The following NBEA variants were observed in gnomAD, a reference collection of about 807,000 sequenced individuals.
NBEA encodes the protein neurobeachin, also known as lysosomal-trafficking regulator 2.
A neutral mutation model predicts 343.4 loss-of-function variants in NBEA; 44 were observed. The observed-to-expected ratio is 0.13, with a 90% confidence interval of 0.10 to 0.16. The LOEUF (loss-of-function observed/expected upper bound fraction) is 0.16, where lower values mean the gene tolerates loss of function less well. Ranked by LOEUF, NBEA falls within the 10% of genes least tolerant of loss-of-function variation. NBEA has a pLI of 1.00. For synonymous variants in NBEA, 1,175 were observed against 1,238.7 expected, an observed-to-expected ratio of 0.95 and a Z score of 1.08; for missense variants, 2,555 against 3,631.3, an observed-to-expected ratio of 0.70 and a Z score of 7.62.
chr13:35,334,027 G>A (rs373954839), intron 36 of NBEA, among the ~76,000 whole-genome samples: 2 of 151,626 alleles, frequency 1.3e-5, no homozygotes, highest in South Asian at 2.1e-4. Flanking sequence ...TAACTCTTCC[G>A]TAGATCGATT....
chr13:35,655,913 A>G (rs2084791982), intron 55 of NBEA, among the ~76,000 whole-genome samples, 164 bp downstream of exon 55: 1 of 152,204 alleles, frequency 6.6e-6, no homozygotes, highest in South Asian at 2.1e-4. Context: ...TCAAAGTGTT[A>G]AAATGATCAG....
rs1415323537 is a variant in NBEA, at chr13:35,667,086, C to T, written c.8465-288C>T. On this transcript the variant is annotated intron_variant, in intron 56 of 58. Coordinates refer to ENST00000379939, the MANE Select transcript of NBEA (RefSeq NM_001385012.1). Reference sequence around the variant, plus strand: ...TGGCACATAAAGTCTTTTATTGTCACGTAATCTGTGAGCTGTACCATTTTA... The same window carrying T: ...TGGCACATAAAGTCTTTTATTGTCATGTAATCTGTGAGCTGTACCATTTTA... Among the ~76,000 whole-genome samples, 4 of 152,154 alleles carry T rather than the reference C, an allele frequency of 2.6e-5. 1 individual carries two copies. The highest frequency in any genetic ancestry group is 1.9e-4 in the East Asian group (1 of 5,200).
At chr13:35,393,955 A>C (rs577333152) in intron 38 of NBEA, among the ~76,000 whole-genome samples, 56 of 152,242 alleles carry the variant, frequency 3.7e-4, no homozygotes, top group African/African-American at 1.3e-3. Flanking sequence ...TTTTGCTGCC[A>C]GGAGCTGTAT....
chr13:35,317,674 G>T (rs577847822), intron 36 of NBEA, among the ~76,000 whole-genome samples: 1 of 152,242 alleles, frequency 6.6e-6, no homozygotes, highest in East Asian at 1.9e-4. Context: ...GGATAGCACT[G>T]AATCTATAAA....
At chr13:35,436,449 G>A (rs1321251629) in intron 39 of NBEA, among the ~76,000 whole-genome samples, 2 of 152,154 alleles carry the variant, frequency 1.3e-5, no homozygotes, top group African/African-American at 2.4e-5. Context: ...AGTGGCTCAC[G>A]CCTGTAATCC....
chr13:35,023,279 T>G (rs1410819224), intron 1 of NBEA, among the ~76,000 whole-genome samples: 1 of 152,114 alleles, frequency 6.6e-6, no homozygotes. Context: ...AAAATGTATT[T>G]CTTTATAAAG....
At chr13:35,173,652 G>A (rs1228898195) in intron 27 of NBEA, 58 bp downstream of exon 27, 6 of 1,533,934 alleles carry the variant, frequency 3.9e-6, no homozygotes, top group Admixed American at 1.8e-5. Flanking sequence ...TCTTTTTTAA[G>A]TTGATGAGAA....
At chr13:35,606,622 A>C (rs768069522) in intron 48 of NBEA, 44 bp downstream of exon 48, 88 of 1,515,858 alleles carry the variant, frequency 5.8e-5, no homozygotes, top group Non-Finnish European at 7.4e-5. Context: ...TCAGGGAGTT[A>C]ACATATTCTG....
At chr13:35,308,287 A>G (rs2037033747) in intron 35 of NBEA, among the ~76,000 whole-genome samples, 2 of 151,182 alleles carry the variant, frequency 1.3e-5, no homozygotes, top group Admixed American at 1.3e-4. Flanking sequence ...ACACCTTATT[A>G]GAAAAATCAT....
intron 11 of NBEA, among the ~76,000 whole-genome samples, chr13:35,100,945 G>T (rs1215518561): frequency 6.6e-6 from 1 of 151,830 alleles, no homozygotes; most frequent in Non-Finnish European, 1.5e-5. Context: ...ACATAAGTGA[G>T]ATCATACAAT....
chr13:35,014,722 C>A (rs1398105600), intron 1 of NBEA, among the ~76,000 whole-genome samples: 4 of 152,022 alleles, frequency 2.6e-5, no homozygotes, highest in African/African-American at 9.7e-5. Context: ...ACAGAAGCTT[C>A]TTGGTGGGAG....
intron 34 of NBEA, among the ~76,000 whole-genome samples, chr13:35,285,588 C>T (rs989421265): frequency 2.0e-5 from 3 of 152,102 alleles, no homozygotes; most frequent in African/African-American, 7.2e-5. Context: ...TTTACCCTGT[C>T]CCAAATAGTT....
intron 33 of NBEA, among the ~76,000 whole-genome samples, chr13:35,220,445 C>T (rs1275711125): frequency 6.6e-6 from 1 of 152,154 alleles, no homozygotes; most frequent in Non-Finnish European, 1.5e-5. Flanking sequence ...TCTTGGAAAT[C>T]CACCTCGATG....
At chr13:35,023,783 A>G (rs2061926221) in intron 1 of NBEA, among the ~76,000 whole-genome samples, 1 of 152,178 alleles carries the variant, frequency 6.6e-6, no homozygotes, top group Non-Finnish European at 1.5e-5. Flanking sequence ...GAATGCTATT[A>G]AGAAATTTGG....
At chr13:35,377,637 C>A (rs2041814151) in intron 38 of NBEA, among the ~76,000 whole-genome samples, 1 of 152,134 alleles carries the variant, frequency 6.6e-6, no homozygotes, top group Non-Finnish European at 1.5e-5. Context: ...GTGATTGGTA[C>A]CTATCTATCC....
chr13:35,231,964 A>G (rs2074998952), intron 33 of NBEA, among the ~76,000 whole-genome samples: 1 of 152,178 alleles, frequency 6.6e-6, no homozygotes, highest in African/African-American at 2.4e-5. Flanking sequence ...TGAACTATAT[A>G]ATAATACAGC....
chr13:35,454,401 G>A (rs2046454882), intron 40 of NBEA, among the ~76,000 whole-genome samples: 1 of 152,120 alleles, frequency 6.6e-6, no homozygotes, highest in Admixed American at 6.5e-5. Context: ...ATACGTAACT[G>A]TTTTTGCCCT....
chr13:34,946,322 C>T (rs2059182236), intron 1 of NBEA, among the ~76,000 whole-genome samples: 1 of 152,072 alleles, frequency 6.6e-6, no homozygotes, highest in Admixed American at 6.6e-5. Flanking sequence ...TCTATTACTT[C>T]TTTTGTAAAC....
chr13:34,947,378 T>C (rs2152480643), intron 1 of NBEA, among the ~76,000 whole-genome samples: 1 of 152,310 alleles, frequency 6.6e-6, no homozygotes, highest in Non-Finnish European at 1.5e-5. Context: ...TCAAGGTTCT[T>C]TATTCTTTTG....
Sources: allele counts gnomAD v4.1 joint callset (sites outside exome capture counted in the v4.1 genomes callset), GRCh38; gene constraint gnomAD v4.1.1; transcripts MANE v1.5; gene names NCBI Gene and HGNC (gene_info 2026-07-23, HGNC 2026-07-21).